MFSD12: variants seen among roughly 807,000 people sequenced by gnomAD.
The protein encoded by MFSD12 is major facilitator superfamily domain containing 12, also known as major facilitator superfamily domain-containing protein 12.
Under a neutral mutation model 51.2 loss-of-function variants are expected in MFSD12, and 67 were observed. That is an observed-to-expected ratio of 1.31 (90% CI 1.08 to 1.60). The LOEUF (loss-of-function observed/expected upper bound fraction) is 1.60. Among genes scored for constraint, MFSD12 ranks in the 40% most tolerant of loss-of-function variants. MFSD12 has a pLI of 0.00. For missense variants in MFSD12, 921 were observed against 673.0 expected (o/e 1.37, Z -4.08); for synonymous variants, 441 against 316.7 (o/e 1.39, Z -4.17).
Position 3,548,136 on chromosome 19 carries a change from A to G in MFSD12, c.641T>C (p.Val214Ala). The G allele has an allele frequency of 6.2e-7, 1 of 1,607,122 alleles. No individual in the cohort carries two copies. Among genetic ancestry groups the G allele is most frequent in the South Asian group, 1.1e-5 (1 of 90,870 alleles). The part of the protein sequence containing the change: ...SISDQLGGQD[V>A]PVFRNLSLLV... ...ACTCCAGCTCACCCGGAACACGGGC[A>G]CGTCCTGGCCCCCCAGCTGGTCGCT... Residue 214 changes from valine to alanine, a missense_variant, in exon 3 of 10, where the codon GTG becomes GCG. Physicochemically the swap from Val to Ala is moderately conservative, Grantham distance 64. Coordinates refer to ENST00000355415, the MANE Select transcript of MFSD12 (RefSeq NM_174983.5).
chr19:3,547,414 G>T, intron 5 of MFSD12, 41 bp downstream of exon 5: 1 of 1,611,724 alleles, frequency 6.2e-7, no homozygotes, highest in African/African-American at 1.3e-5. Context: ...TCGCCAGGCT[G>T]GGGCCGTCCC....
At chr19:3,546,559 G>A (rs1320495055) in intron 6 of MFSD12, 134 bp from the exon 7 acceptor site, 4 of 1,060,914 alleles carry the variant, frequency 3.8e-6, no homozygotes, top group African/African-American at 3.2e-5. Flanking sequence ...CCTGGCTCTG[G>A]CCCTGGACAC....
chr19:3,543,996 C>A, downstream of MFSD12: 1 of 1,542,596 alleles, frequency 6.5e-7, no homozygotes, highest in Admixed American at 2.0e-5. Flanking sequence ...TTCCCTCACA[C>A]CCACTCCCCG....
chr19:3,541,425 C>T (rs2030403033), downstream of MFSD12, among the ~76,000 whole-genome samples: 1 of 151,124 alleles, frequency 6.6e-6, no homozygotes, highest in East Asian at 2.0e-4. Flanking sequence ...TGGGTTCTAG[C>T]GATTCTCCTG....
rs189534064 is a variant in MFSD12, at chr19:3,546,865, G to A, written c.1023+407C>T. Among the ~76,000 whole-genome samples, 415 of 151,998 alleles carry A rather than the reference G, an allele frequency of 2.7e-3. 2 individuals carry two copies. Among genetic ancestry groups the A allele is most frequent in the African/African-American group, 9.6e-3 (397 of 41,450 alleles). Reference sequence around the variant, plus strand: ...TTTTTTTTCTGGAGACAAGAGTCTCGCTGTGTCGCCCAGGCTGGAGTGCAG... The same window carrying A: ...TTTTTTTTCTGGAGACAAGAGTCTCACTGTGTCGCCCAGGCTGGAGTGCAG... On this transcript the variant is annotated intron_variant, in intron 6 of 9. Coordinates refer to ENST00000355415, the MANE Select transcript of MFSD12 (RefSeq NM_174983.5).
At chr19:3,540,129 T>C (rs1385569879), downstream of MFSD12, 1 of 146,840 alleles carries the variant, frequency 6.8e-6, no homozygotes, top group Non-Finnish European at 1.5e-5. Context: ...AGTCTCATAC[T>C]GTTGCCCAGG....
chr19:3,546,470 C>T, intron 6 of MFSD12, 45 bp from the exon 7 acceptor site: 1 of 1,554,428 alleles, frequency 6.4e-7, no homozygotes, highest in South Asian at 1.2e-5. Context: ...CTGGGTGCCC[C>T]CAAGCCTGGC....
At position 3,546,111 on chromosome 19, in the gene MFSD12, G is replaced by C; in HGVS notation, c.1252C>G (p.Leu418Val). The C allele has an allele frequency of 6.2e-7, 1 of 1,613,420 alleles. No individual in the cohort carries two copies. The highest frequency in any genetic ancestry group is 2.2e-5 in the East Asian group (1 of 44,886). Reference protein sequence around the residue: ...MSFLDKVANGLAVMAIQSLHP... With the variant: ...MSFLDKVANGVAVMAIQSLHP... Reference sequence around the variant, plus strand: ...AGGCTCTGGATGGCCATGACTGCCAGCCCATTGGCCACCTTATCCAAGAAG... The same window carrying C: ...AGGCTCTGGATGGCCATGACTGCCACCCCATTGGCCACCTTATCCAAGAAG... The change falls in exon 8 of 10, where the codon CTG (leucine) becomes GTG (valine). Residue 418 changes from leucine (L) to valine (V), a missense_variant. By Grantham distance (32) the Leu-to-Val change is conservative. Coordinates refer to ENST00000355415, the MANE Select transcript of MFSD12 (RefSeq NM_174983.5).
chr19:3,545,081 C>T (rs1369619096), intron 8 of MFSD12, 142 bp from the exon 9 acceptor site: 6 of 1,123,344 alleles, frequency 5.3e-6, no homozygotes, highest in Non-Finnish European at 7.4e-6. Flanking sequence ...CTCCCTCCCT[C>T]CTGTCCCACA....
chr19:3,544,825 C>G lies in MFSD12; in HGVS notation c.1404G>C (p.Pro468=), dbSNP rs142464227. Residue 468 remains proline, a synonymous_variant, in exon 9 of 10, where the codon CCG becomes CCC. Transcript: ENST00000355415. ...ALCLCSLLLW[P]TRLRRWDRDA... ...AGGACTCACAGCGTCGCAGGCGGGT[C>G]GGCCACAGCAGGAGGCTACAGAGAC... is the stretch of plus-strand genomic sequence containing the variant. The G allele has an allele frequency of 8.7e-6, 14 of 1,612,180 alleles. No homozygotes were observed. The highest frequency in any genetic ancestry group is 1.2e-5 in the Non-Finnish European group (14 of 1,179,506).
chr19:3,548,049 C>T lies in MFSD12; in HGVS notation c.655-19G>A, dbSNP rs1318203113. The T allele has an allele frequency of 1.9e-6, 3 of 1,599,992 alleles. No individual in the cohort carries two copies. The highest frequency in any genetic ancestry group is 1.1e-5 in the South Asian group (1 of 91,014). On this transcript the variant is annotated intron_variant, in intron 3 of 9. Transcript: ENST00000355415. ...ACAGGTTCTGGGGATGCAGCAGAAG[C>T]AGTCAGTGGTGGCGGGCCCAGCCCC...
At chr19:3,546,480 C>G (rs955038639) in intron 6 of MFSD12, 55 bp from the exon 7 acceptor site, 12 of 1,530,698 alleles carry the variant, frequency 7.8e-6, no homozygotes, top group Non-Finnish European at 1.1e-5. Flanking sequence ...CCAAGCCTGG[C>G]GCTTCAATCC....
chr19:3,551,037 G>A lies in MFSD12; in HGVS notation c.456C>T (p.Leu152=), dbSNP rs1329743716. 3 of 1,612,832 alleles carry A rather than the reference G, an allele frequency of 1.9e-6. No homozygotes were observed. The highest frequency in any genetic ancestry group is 1.3e-5 in the African/African-American group (1 of 74,956). Reference sequence around the variant, plus strand: ...GGTCGTTGGTGACGAGCTCCGGGATGAGGCTGAGGTGGGAGATCTGTGTGG... The same window carrying A: ...GGTCGTTGGTGACGAGCTCCGGGATAAGGCTGAGGTGGGAGATCTGTGTGG... ...WASTQISHLS[L]IPELVTNDHE... The change falls in exon 2 of 10, where the codon CTC becomes CTT. Residue 152 remains leucine, a synonymous_variant. Transcript: ENST00000355415. The surrounding 1 kb of genome is among the most constrained non-coding windows in gnomAD (Gnocchi z 4.6).
In MFSD12 at chr19:3,544,453, G is replaced by A; in HGVS notation, c.*257C>T. On this transcript the variant is annotated 3_prime_UTR_variant, in exon 10 of 10. Coordinates refer to ENST00000355415, the MANE Select transcript of MFSD12 (RefSeq NM_174983.5). ...TACTTCCTGTTCCCTGCCGAGAGGG[G>A]CACCCCAAATCCTCCAGAGGGCTGG... 1.5e-6 allele frequency: 2 copies of A among 1,342,990 alleles called. No individual in the cohort carries two copies. The highest frequency in any genetic ancestry group is 1.9e-6 in the Non-Finnish European group (2 of 1,049,724). The allele number at this position is 1,342,990 out of a possible 1,614,324, so 83.2% of individuals were successfully genotyped here.
intron 6 of MFSD12, 51 bp from the exon 7 acceptor site, chr19:3,546,476 C>T (rs2031065786): frequency 1.6e-5 from 25 of 1,547,102 alleles, no homozygotes; most frequent in Non-Finnish European, 2.1e-5. Flanking sequence ...GCCCCCAAGC[C>T]TGGCGCTTCA....
At chr19:3,546,485 C>T in intron 6 of MFSD12, 60 bp from the exon 7 acceptor site, 2 of 1,524,826 alleles carry the variant, frequency 1.3e-6, no homozygotes, top group South Asian at 1.2e-5. Context: ...CCTGGCGCTT[C>T]AATCCGCCAC....
At chr19:3,554,252 T>C (rs1358373672) in intron 1 of MFSD12, among the ~76,000 whole-genome samples, 1 of 149,176 alleles carries the variant, frequency 6.7e-6, no homozygotes, top group East Asian at 2.0e-4. Flanking sequence ...GCCTGGACAA[T>C]ATGGTGAAAC....
intron 8 of MFSD12, 90 bp downstream of exon 8, chr19:3,545,984 G>C: frequency 7.3e-7 from 1 of 1,375,220 alleles, no homozygotes; most frequent in Non-Finnish European, 1.0e-6. Context: ...ACAGCTGGAT[G>C]CCCAGACCCA....
rs1239722869 is a variant in MFSD12, at chr19:3,538,617, G to A, written c.*145C>T. 29 of 445,990 alleles carry A rather than the reference G, an allele frequency of 6.5e-5. 1 individual carries two copies. The highest frequency in any genetic ancestry group is 3.8e-4 in the South Asian group (23 of 60,458). The allele number at this position is 445,990 out of a possible 1,614,324, so 27.6% of individuals were successfully genotyped here. A position where few individuals can be genotyped will look rare whatever the true frequency, so the allele number is the denominator to read the frequency against. On this transcript the variant is annotated 3_prime_UTR_variant, in exon 5 of 5. Coordinates refer to the MFSD12 transcript ENST00000398558. ...GCACTGTGGCCTGGGTCAGAGCTTC[G>A]CACCTCCTTGTGGCTGAGTCTCGTT...
Sources: gnomAD v4.1 joint callset for allele counts (sites outside exome capture counted in the v4.1 genomes callset) on GRCh38, gnomAD v4.1.1 for gene constraint, Gnocchi (gnomAD v3.1) non-coding constraint, MANE v1.5 for transcripts, NCBI Gene and HGNC (gene_info 2026-07-23, HGNC 2026-07-21) for gene names.